Variants in TMC1 observed in about 807,000 individuals in gnomAD.
TMC1 encodes the protein transmembrane channel like 1.
A neutral mutation model predicts 105.8 loss-of-function variants in TMC1; 84 were observed. The ratio of observed to expected loss-of-function variants is 0.79; its 90% CI spans 0.67 to 0.95. The LOEUF is 0.95. Ranked by LOEUF, TMC1 falls within the 40% of genes least tolerant of loss-of-function variation. The probability of loss-of-function intolerance (pLI) is 0.00; values close to 1 mark genes in which losing one functional copy is unlikely to be tolerated. For missense variants in TMC1, 817 were observed against 914.1 expected (o/e 0.89, Z 1.37); for synonymous variants, 315 against 311.5 (o/e 1.01, Z -0.12).
At chr9:72,557,295 C>A (rs368793433) in intron 1 of TMC1, among the ~76,000 whole-genome samples, 1 of 152,010 alleles carries the variant, frequency 6.6e-6, no homozygotes, top group African/African-American at 2.4e-5. Context: ...CGCTTGAACC[C>A]GGGGGGCAAA....
intron 2 of TMC1, among the ~76,000 whole-genome samples, chr9:72,579,523 G>A (rs1824440882): frequency 1.3e-5 from 2 of 152,118 alleles, no homozygotes; most frequent in South Asian, 2.1e-4. Context: ...GAGAACCACC[G>A]CTTTAGCTTC....
chr9:72,730,131 C>T (rs1329526688), intron 8 of TMC1, among the ~76,000 whole-genome samples: 2 of 152,190 alleles, frequency 1.3e-5, no homozygotes, highest in Admixed American at 1.3e-4. Flanking sequence ...TTCTTCCTCC[C>T]TTGACCTACT....
At chr9:72,536,015 C>T (rs188647535) in intron 1 of TMC1, among the ~76,000 whole-genome samples, 29 of 152,336 alleles carry the variant, frequency 1.9e-4, no homozygotes, top group Non-Finnish European at 2.9e-4. Flanking sequence ...GGGGGACAAA[C>T]ATCCAAACTA....
intron 12 of TMC1, among the ~76,000 whole-genome samples, chr9:72,757,261 A>G (rs1008648301): frequency 6.6e-6 from 1 of 152,232 alleles, no homozygotes; most frequent in African/African-American, 2.4e-5. Flanking sequence ...TGCATCATGC[A>G]GTGAACTGTG....
chr9:72,818,938 A>T (rs534787828), intron 19 of TMC1, among the ~76,000 whole-genome samples: 1 of 152,332 alleles, frequency 6.6e-6, no homozygotes, highest in Non-Finnish European at 1.5e-5. Flanking sequence ...CACAAATAAT[A>T]AGCATATACA....
chr9:72,622,045 T>A (rs181520752), intron 3 of TMC1, among the ~76,000 whole-genome samples: 8 of 152,304 alleles, frequency 5.3e-5, no homozygotes, highest in Non-Finnish European at 8.8e-5. Flanking sequence ...AGCTGGACCC[T>A]GTGGATCTTT....
At chr9:72,531,782 G>GC (rs1179278998) in intron 1 of TMC1, among the ~76,000 whole-genome samples, 1 of 151,924 alleles carries the variant, frequency 6.6e-6, no homozygotes, top group Non-Finnish European at 1.5e-5. Context: ...TACCCTCTTG[G>GC]CCACCTATCT....
chr9:72,698,331 T>C (rs1826586385), intron 7 of TMC1, among the ~76,000 whole-genome samples: 1 of 152,218 alleles, frequency 6.6e-6, no homozygotes, highest in Admixed American at 6.5e-5. Context: ...CATAGCATGA[T>C]TAAAAACTAT....
rs1588084000 is a variant in TMC1, at chr9:72,789,008, A to G, written c.1030-115A>G. ...AATCTCAGATTTAGTTTACATTGTC[A>G]TTCCTCACATTCTGATGATTGTAAA... is the stretch of plus-strand genomic sequence containing the variant. On this transcript the variant is annotated intron_variant, in intron 14 of 23. Coordinates refer to ENST00000297784, the MANE Select transcript of TMC1 (RefSeq NM_138691.3). 6 of 1,026,858 alleles carry G rather than the reference A, an allele frequency of 5.8e-6. No homozygotes were observed. The East Asian group carries it at 1.5e-4, about 26-fold the overall frequency. 63.6% of individuals were successfully genotyped at this position (1,026,858 alleles called of 1,614,324 possible). A position where few individuals can be genotyped will look rare whatever the true frequency, so the allele number is the denominator to read the frequency against.
intron 1 of TMC1, among the ~76,000 whole-genome samples, chr9:72,536,777 C>G (rs34645317): frequency 0.11 from 16,964 of 152,182 alleles, 1,427 homozygotes; most frequent in African/African-American, 0.23. Context: ...ACTGCTCTCA[C>G]AGATTGAAGC....
rs117834307 is a variant in TMC1 at position 72,696,900 on chromosome 9, A to G, written c.236+2186A>G. The stretch of plus-strand genomic sequence containing the variant: ...ATTAGCCTGAAAATTTAGATGAGGC[A>G]TGCCTATGCCTTTTAATATGATTAG... On this transcript the variant is annotated intron_variant, in intron 7 of 23. Coordinates refer to ENST00000297784, the MANE Select transcript of TMC1 (RefSeq NM_138691.3). Among the ~76,000 whole-genome samples, 443 of 152,334 alleles carry G rather than the reference A, an allele frequency of 2.9e-3. 3 individuals are homozygous for G. Among genetic ancestry groups the G allele is most frequent in the Non-Finnish European group, 3.0e-3 (203 of 68,028 alleles).
At chr9:72,654,779 C>A (rs888796714) in intron 5 of TMC1, among the ~76,000 whole-genome samples, 1 of 151,266 alleles carries the variant, frequency 6.6e-6, no homozygotes, top group Non-Finnish European at 1.5e-5. Flanking sequence ...CATGTATTTG[C>A]CATTTTTATT....
chr9:72,594,485 A>G (rs1424552850), intron 2 of TMC1, among the ~76,000 whole-genome samples: 2 of 152,194 alleles, frequency 1.3e-5, no homozygotes, highest in African/African-American at 4.8e-5. Flanking sequence ...CGACAGGTAG[A>G]AGAGGGCAGA....
intron 1 of TMC1, among the ~76,000 whole-genome samples, chr9:72,568,476 A>G (rs1020887190): frequency 6.6e-5 from 10 of 152,180 alleles, no homozygotes; most frequent in African/African-American, 2.4e-4. Flanking sequence ...TTATTCAACA[A>G]CTCTTTATGG....
At position 72,648,678 on chromosome 9, in the gene TMC1, C is replaced by G. The variant is rs1390422060; in HGVS notation, c.16+14C>G. On this transcript the variant is annotated intron_variant, in intron 5 of 23. Coordinates refer to ENST00000297784, the MANE Select transcript of TMC1 (RefSeq NM_138691.3). The stretch of plus-strand genomic sequence containing the variant: ...CACCCAAAAAAGGTATTTACAAAAT[C>G]AAGACTGTCTGTAGGACACTATGTC... 6.2e-7 allele frequency: 1 copy of G among 1,608,740 alleles called. No homozygotes were observed. Among genetic ancestry groups the G allele is most frequent in the Non-Finnish European group, 8.5e-7 (1 of 1,175,154 alleles).
chr9:72,806,310 C>T (rs1390608229), intron 18 of TMC1, among the ~76,000 whole-genome samples: 1 of 148,748 alleles, frequency 6.7e-6, no homozygotes, highest in Non-Finnish European at 1.5e-5. Flanking sequence ...GGCAGAGGCG[C>T]CCCTCACCTC....
At chr9:72,630,644 C>T (rs577010526) in intron 4 of TMC1, among the ~76,000 whole-genome samples, 1 of 152,154 alleles carries the variant, frequency 6.6e-6, no homozygotes, top group East Asian at 1.9e-4. Flanking sequence ...AAAAAAGATA[C>T]TGAAACATTT....
At chr9:72,796,278 T>C (rs776210146) in intron 17 of TMC1, among the ~76,000 whole-genome samples, 1 of 152,162 alleles carries the variant, frequency 6.6e-6, no homozygotes, top group Admixed American at 6.6e-5. Flanking sequence ...CACAGCTGAA[T>C]TCTACCAGAT....
intron 10 of TMC1, among the ~76,000 whole-genome samples, chr9:72,743,764 T>C (rs1319798257): frequency 6.6e-6 from 1 of 152,078 alleles, no homozygotes; most frequent in African/African-American, 2.4e-5. Context: ...CAAAAACCTA[T>C]TTAGTTTAGT....
Sources: allele counts gnomAD v4.1 joint callset (sites outside exome capture counted in the v4.1 genomes callset), GRCh38; gene constraint gnomAD v4.1.1; transcripts MANE v1.5; gene names NCBI Gene and HGNC (gene_info 2026-07-23, HGNC 2026-07-21).